ZNF532: variants seen among roughly 807,000 people sequenced by gnomAD.
ZNF532 encodes zinc finger protein 532.
Under a neutral mutation model 89.3 loss-of-function variants are expected in ZNF532, and 22 were observed. That is an observed-to-expected ratio of 0.25 (90% confidence interval 0.18 to 0.35). The LOEUF (loss-of-function observed/expected upper bound fraction) is 0.35. Among genes scored for constraint, ZNF532 ranks in the 10% least tolerant of loss-of-function variants. ZNF532 has a pLI of 1.00. For synonymous variants in ZNF532, 606 were observed against 649.6 expected (o/e 0.93, Z 1.02); for missense variants, 1,132 against 1,643.4 (o/e 0.69, Z 5.38).
intron 2 of ZNF532, among the ~76,000 whole-genome samples, chr18:58,913,185 A>G (rs938887419): frequency 8.5e-5 from 13 of 152,180 alleles, no homozygotes; most frequent in Admixed American, 6.5e-5. Context: ...TGGAAATTCT[A>G]AAGATGTAAG....
At chr18:58,927,480 G>T (rs2061619209) in intron 3 of ZNF532, among the ~76,000 whole-genome samples, 1 of 151,854 alleles carries the variant, frequency 6.6e-6, no homozygotes, top group African/African-American at 2.4e-5. Context: ...TGGCATTTTG[G>T]GTTGCTAGCT....
At chr18:58,976,952 C>CTT (rs535491106) in intron 7 of ZNF532, among the ~76,000 whole-genome samples, 2 of 152,186 alleles carry the variant, frequency 1.3e-5, no homozygotes, top group East Asian at 3.8e-4. Context: ...CTTAGTCACT[C>CTT]TTTTGCTGCA....
intron 6 of ZNF532, 84 bp downstream of exon 6, chr18:58,948,313 T>C: frequency 7.2e-7 from 1 of 1,397,498 alleles, no homozygotes; most frequent in Non-Finnish European, 9.8e-7. Flanking sequence ...CAGGTGACTC[T>C]AAAGCATGCC....
chr18:58,957,463 A>G (rs8085976), intron 7 of ZNF532, among the ~76,000 whole-genome samples: 4,481 of 149,794 alleles, frequency 0.03, 232 homozygotes, highest in African/African-American at 0.1. Context: ...GGAATAATCT[A>G]AACGTATTCT....
rs1164951557 is a variant in ZNF532 at position 58,942,320 on chromosome 18, CCCCTCCCTCCCTCCCTCCCT to C, written c.2705+2712_2705+2731del. 8.7e-4 allele frequency among the ~76,000 whole-genome samples: 32 copies of C among 36,810 alleles called. 5 individuals are homozygous for C. The highest frequency in any genetic ancestry group is 4.2e-3 in the African/African-American group (30 of 7,186). 24.1% of individuals were successfully genotyped at this position (36,810 alleles called of 152,430 possible). A position where few individuals can be genotyped will look rare whatever the true frequency, so the allele number is the denominator to read the frequency against. ...TACAGGCGTGAGCCACCGCGCCTGG[CCCCTCCCTCCCTCCCTCCCT>C]CCCTCCCTCCCTTCCTTCCTTCCTT... is the stretch of plus-strand genomic sequence containing the variant. On this transcript the variant is annotated intron_variant, in intron 5 of 9. Transcript: ENST00000591808.
At chr18:58,942,506 T>C (rs2063279527) in intron 5 of ZNF532, among the ~76,000 whole-genome samples, 1 of 151,938 alleles carries the variant, frequency 6.6e-6, no homozygotes, top group Admixed American at 6.6e-5. Flanking sequence ...CAGTGAAAGA[T>C]AAGTTAATCG....
At chr18:58,910,761 C>T (rs952829068) in intron 2 of ZNF532, among the ~76,000 whole-genome samples, 3 of 152,070 alleles carry the variant, frequency 2.0e-5, no homozygotes. Flanking sequence ...GAGCATGAGC[C>T]GCCGCACCTG....
At chr18:58,964,457 A>C (rs1383537394) in intron 7 of ZNF532, among the ~76,000 whole-genome samples, 1 of 151,484 alleles carries the variant, frequency 6.6e-6, no homozygotes, top group African/African-American at 2.4e-5. Flanking sequence ...TTGTATATTC[A>C]TGCTAGAAAT....
intron 2 of ZNF532, among the ~76,000 whole-genome samples, chr18:58,900,213 T>A (rs1300902568): frequency 6.6e-6 from 1 of 152,236 alleles, no homozygotes; most frequent in Non-Finnish European, 1.5e-5. Flanking sequence ...GCTGGACTCA[T>A]CGGAGGATCG....
chr18:58,965,847 C>A (rs1188813410), intron 7 of ZNF532, among the ~76,000 whole-genome samples: 1 of 152,166 alleles, frequency 6.6e-6, no homozygotes, highest in African/African-American at 2.4e-5. Flanking sequence ...TGGATTGTAG[C>A]AGGGCCTGAG....
At chr18:58,943,395 C>T (rs901286123) in intron 5 of ZNF532, among the ~76,000 whole-genome samples, 3 of 151,358 alleles carry the variant, frequency 2.0e-5, no homozygotes, top group East Asian at 1.9e-4. Context: ...TTCCTGACCT[C>T]GTGATCCACC....
At chr18:58,875,680 T>G (rs1267793770) in intron 2 of ZNF532, among the ~76,000 whole-genome samples, 1 of 152,124 alleles carries the variant, frequency 6.6e-6, no homozygotes, top group East Asian at 1.9e-4. Flanking sequence ...CCCTGTAAGG[T>G]TATACTTCAC....
intron 2 of ZNF532, among the ~76,000 whole-genome samples, chr18:58,911,138 T>A (rs1229112654): frequency 6.6e-6 from 1 of 152,204 alleles, no homozygotes; most frequent in Non-Finnish European, 1.5e-5. Context: ...ACTGGAGAAC[T>A]TGAGCCATGA....
rs777993070 is a variant in ZNF532 at position 58,934,546 on chromosome 18, C to T, written c.2460C>T (p.Cys820=). 7.4e-6 allele frequency: 12 copies of T among 1,614,070 alleles called. No homozygotes were observed. In the African/African-American group the frequency reaches 1.5e-4, roughly 20 times the overall value. The change falls in exon 4 of 10, where the codon TGC becomes TGT. Residue 820 remains cysteine, a synonymous_variant. Transcript: ENST00000591808. The part of the protein sequence containing the change: ...PYTCPECGAI[C]RSVHFQTHVT... ...CCTGCCCTGAGTGTGGGGCCATCTGCAGGTCGGTGCACTTCCAGACCCACG... is the reference window on the plus strand; with the variant it reads ...CCTGCCCTGAGTGTGGGGCCATCTGTAGGTCGGTGCACTTCCAGACCCACG...
intron 3 of ZNF532, among the ~76,000 whole-genome samples, chr18:58,925,668 A>G (rs2061463355): frequency 6.6e-6 from 1 of 152,202 alleles, no homozygotes; most frequent in African/African-American, 2.4e-5. Context: ...TTTGGTGTCA[A>G]GTCTAAGGCA....
intron 7 of ZNF532, among the ~76,000 whole-genome samples, chr18:58,957,578 G>C (rs2064924134): frequency 6.6e-6 from 1 of 151,746 alleles, no homozygotes; most frequent in Admixed American, 6.6e-5. Context: ...AATTTAACTG[G>C]CATAAGTTAA....
At chr18:58,981,216 A>G in intron 8 of ZNF532, 1 of 464,504 alleles carries the variant, frequency 2.2e-6, no homozygotes, top group Non-Finnish European at 3.9e-6. Context: ...GCTCATTCTG[A>G]GAGAATACTG....
upstream of ZNF532, chr18:58,863,365 C>T (rs920950987): frequency 2.9e-4 from 43 of 149,132 alleles, no homozygotes; most frequent in Admixed American, 1.8e-3. Flanking sequence ...GGACTCGGGG[C>T]TCCGCAGCGG....
chr18:58,949,881 T>C (rs929279642), intron 6 of ZNF532, among the ~76,000 whole-genome samples: 4 of 152,180 alleles, frequency 2.6e-5, no homozygotes, highest in Admixed American at 2.0e-4. Context: ...GTAAAGATAG[T>C]GGTGGTGATG....
Sources: gnomAD v4.1 joint callset for allele counts (sites outside exome capture counted in the v4.1 genomes callset) on GRCh38, gnomAD v4.1.1 for gene constraint, MANE v1.5 for transcripts, NCBI Gene and HGNC (gene_info 2026-07-23, HGNC 2026-07-21) for gene names.